AKAP13: variants seen among roughly 807,000 people sequenced by gnomAD.
The protein encoded by AKAP13 is A-kinase anchor protein 13.
AKAP13 carries 80 observed loss-of-function variants against 264.5 expected under a neutral mutation model. The observed-to-expected ratio is 0.30, with a 90% CI of 0.25 to 0.36. The LOEUF (loss-of-function observed/expected upper bound fraction) is 0.36, where lower values mean the gene tolerates loss of function less well. Ranked by LOEUF, AKAP13 falls within the 10% of genes least tolerant of loss-of-function variation. The pLI is 1.00. For missense variants in AKAP13, 3,712 were observed against 3,435.2 expected (o/e 1.08, Z -2.01); for synonymous variants, 1,380 against 1,250.2 (o/e 1.10, Z -2.19).
chr15:85,568,820 A>G (rs1567130246), intron 5 of AKAP13, among the ~76,000 whole-genome samples: 2 of 152,240 alleles, frequency 1.3e-5, no homozygotes, highest in Non-Finnish European at 1.5e-5. Flanking sequence ...GTTTTGTAGA[A>G]CAGAGCTTTT....
chr15:85,530,440 T>G (rs2077209853), intron 3 of AKAP13, among the ~76,000 whole-genome samples: 2 of 152,072 alleles, frequency 1.3e-5, no homozygotes, highest in African/African-American at 4.8e-5. Context: ...AGGAAGGAGA[T>G]CAATAAGAAA....
chr15:85,740,148 G>A, intron 33 of AKAP13, 74 bp from the exon 34 acceptor site: 1 of 1,482,338 alleles, frequency 6.7e-7, no homozygotes, highest in Non-Finnish European at 9.4e-7. Flanking sequence ...ATCTTATCAG[G>A]TAAACATTAG....
chr15:85,655,349 C>T, intron 10 of AKAP13, 68 bp from the exon 11 acceptor site: 3 of 1,548,060 alleles, frequency 1.9e-6, no homozygotes, highest in Non-Finnish European at 2.6e-6. Context: ...TTGGCTTGAT[C>T]TAGAATAACT....
At chr15:85,710,283 G>A (rs1186313852) in intron 18 of AKAP13, among the ~76,000 whole-genome samples, 1 of 152,176 alleles carries the variant, frequency 6.6e-6, no homozygotes, top group Admixed American at 6.5e-5. Flanking sequence ...GAGGAGAGAA[G>A]CTATAGATGG....
intron 1 of AKAP13, among the ~76,000 whole-genome samples, chr15:85,404,419 T>C (rs1247818689): frequency 1.3e-5 from 2 of 152,212 alleles, no homozygotes; most frequent in African/African-American, 4.8e-5. Context: ...TGGTGAAGTA[T>C]TTATTTATCA....
At chr15:85,710,332 G>A (rs1228003543) in intron 18 of AKAP13, 2 of 381,898 alleles carry the variant, frequency 5.2e-6, no homozygotes, top group Non-Finnish European at 4.8e-6. Flanking sequence ...TCTTAAAGGG[G>A]AAGAATGCCA....
At chr15:85,629,465 A>G (rs1169637881) in intron 8 of AKAP13, among the ~76,000 whole-genome samples, 1 of 152,202 alleles carries the variant, frequency 6.6e-6, no homozygotes, top group Non-Finnish European at 1.5e-5. Context: ...TAATGAATTC[A>G]AAGATTATTC....
intron 2 of AKAP13, among the ~76,000 whole-genome samples, chr15:85,501,139 G>A (rs747087463): frequency 2.6e-5 from 4 of 152,066 alleles, no homozygotes; most frequent in Non-Finnish European, 5.9e-5. Context: ...ATCACCTCTT[G>A]TGTTCCTAAA....
At chr15:85,511,810 A>T (rs2076432288) in intron 2 of AKAP13, among the ~76,000 whole-genome samples, 1 of 151,806 alleles carries the variant, frequency 6.6e-6, no homozygotes, top group African/African-American at 2.4e-5. Flanking sequence ...TTTTAACAGA[A>T]TTTTTTTCTC....
intron 16 of AKAP13, 87 bp downstream of exon 16, chr15:85,684,960 G>A: frequency 2.8e-6 from 4 of 1,429,252 alleles, no homozygotes; most frequent in South Asian, 1.5e-5. Context: ...TTAAATCATG[G>A]GGACATAAAT....
intron 17 of AKAP13, chr15:85,700,962 G>T (rs570648522): frequency 1.3e-4 from 20 of 152,284 alleles, no homozygotes; most frequent in Non-Finnish European, 1.9e-4. Context: ...CTGACCTCAC[G>T]TTTTTAGTTC....
chr15:85,495,237 ATGGTTCTTTGATGCTTTT>A (rs1240126781), intron 2 of AKAP13, among the ~76,000 whole-genome samples: 1 of 152,124 alleles, frequency 6.6e-6, no homozygotes, highest in Non-Finnish European at 1.5e-5. Context: ...CTCAGTTCCC[ATGGTTCTTTGATGCTTTT>A]TCTGTGTTAG....
intron 12 of AKAP13, among the ~76,000 whole-genome samples, chr15:85,662,667 A>C (rs1226758075): frequency 6.6e-6 from 1 of 152,232 alleles, no homozygotes; most frequent in African/African-American, 2.4e-5. Flanking sequence ...TGTATGTCTC[A>C]AATGGCCATA....
intron 14 of AKAP13, among the ~76,000 whole-genome samples, chr15:85,675,646 G>A (rs2084186011): frequency 6.6e-6 from 1 of 152,178 alleles, no homozygotes; most frequent in Non-Finnish European, 1.5e-5. Flanking sequence ...AATGGTAAAT[G>A]CAGCAACTTA....
At chr15:85,522,272 C>A (rs1028633248) in intron 3 of AKAP13, among the ~76,000 whole-genome samples, 1 of 152,114 alleles carries the variant, frequency 6.6e-6, no homozygotes, top group Non-Finnish European at 1.5e-5. Flanking sequence ...AATAGGAACA[C>A]TTTAGGGTTA....
At chr15:85,386,131 T>A (rs1034773262) in intron 1 of AKAP13, among the ~76,000 whole-genome samples, 3 of 151,766 alleles carry the variant, frequency 2.0e-5, no homozygotes, top group Non-Finnish European at 4.4e-5. Context: ...GGCCTTCTTG[T>A]CTTAATAATG....
intron 16 of AKAP13, among the ~76,000 whole-genome samples, chr15:85,692,462 G>A (rs1378791308): frequency 4.6e-5 from 7 of 151,992 alleles, no homozygotes; most frequent in South Asian, 2.1e-4. Flanking sequence ...CTAGGGTCAC[G>A]CTATTACTGA....
intron 17 of AKAP13, among the ~76,000 whole-genome samples, chr15:85,700,675 A>G (rs963222487): frequency 1.3e-5 from 2 of 152,260 alleles, no homozygotes; most frequent in Non-Finnish European, 1.5e-5. Context: ...TTAAAACTAC[A>G]TAAAAACGTA....
chr15:85,390,574 A>G (rs1282599059), intron 1 of AKAP13, among the ~76,000 whole-genome samples: 14 of 70,068 alleles, frequency 2.0e-4, no homozygotes, highest in Admixed American at 1.6e-3. Context: ...AAGGCATGAC[A>G]AGGTTGATTT....
Sources: gnomAD v4.1 joint callset for allele counts (sites outside exome capture counted in the v4.1 genomes callset) on GRCh38, gnomAD v4.1.1 for gene constraint, MANE v1.5 for transcripts, NCBI Gene and HGNC (gene_info 2026-07-23, HGNC 2026-07-21) for gene names.